The following WWOX variants were observed in gnomAD, a reference collection of about 807,000 sequenced individuals.
WWOX encodes WW domain-containing oxidoreductase.
WWOX carries 69 observed loss-of-function variants against 46.2 expected under a neutral mutation model. The ratio of observed to expected loss-of-function variants is 1.49; its 90% CI spans 1.23 to 1.82. The LOEUF (loss-of-function observed/expected upper bound fraction) is 1.82, where lower values mean the gene tolerates loss of function less well. WWOX is among the 40% of genes most tolerant of loss of function. The pLI is 0.00. For missense variants in WWOX, 919 were observed against 542.6 expected (o/e 1.69, Z -6.89); for synonymous variants, 359 against 202.6 (o/e 1.77, Z -6.56).
At chr16:78,664,900 C>T (rs1010393299) in intron 8 of WWOX, among the ~76,000 whole-genome samples, 2 of 152,318 alleles carry the variant, frequency 1.3e-5, no homozygotes, top group South Asian at 2.1e-4. Context: ...TAGGCACTTA[C>T]AATGTGACTG....
In WWOX at chr16:78,757,137, G is replaced by C. The variant is rs534360168; in HGVS notation, c.1056+324385G>C. 9.2e-5 allele frequency: 59 copies of C among 641,296 alleles called. No individual in the cohort carries two copies. In the East Asian group the frequency reaches 9.8e-4, roughly 11 times the overall value. 39.7% of individuals were successfully genotyped at this position (641,296 alleles called of 1,614,324 possible). On this transcript the variant is annotated intron_variant, in intron 8 of 8. Transcript: ENST00000566780. ...CCCCTATCTAGAACCACCGAGCTAAGCTGCTCACAAGTTTCTGCACCACAG... is the reference window on the plus strand; with the variant it reads ...CCCCTATCTAGAACCACCGAGCTAACCTGCTCACAAGTTTCTGCACCACAG...
chr16:78,774,666 C>A (rs766398690), intron 8 of WWOX, among the ~76,000 whole-genome samples: 2 of 152,072 alleles, frequency 1.3e-5, no homozygotes, highest in African/African-American at 4.8e-5. Flanking sequence ...CGGGCAGTTC[C>A]TTGAAAGACT....
intron 8 of WWOX, among the ~76,000 whole-genome samples, chr16:78,869,517 A>G (rs1445869816): frequency 6.6e-6 from 1 of 152,210 alleles, no homozygotes; most frequent in Non-Finnish European, 1.5e-5. Flanking sequence ...AGGATGTAAA[A>G]TAGGATTCAT....
intron 8 of WWOX, among the ~76,000 whole-genome samples, chr16:78,789,737 G>T (rs1378608613): frequency 6.6e-6 from 1 of 152,150 alleles, no homozygotes; most frequent in Non-Finnish European, 1.5e-5. Context: ...ATCAGCTCTT[G>T]TGAGCCACGG....
At chr16:78,253,857 CT>C (rs1156962092) in intron 5 of WWOX, among the ~76,000 whole-genome samples, 4 of 152,078 alleles carry the variant, frequency 2.6e-5, no homozygotes, top group Admixed American at 6.5e-5. Context: ...AGGTGGTAAG[CT>C]TACGTACATG....
intron 8 of WWOX, chr16:78,535,709 T>A (rs2043742614): frequency 6.6e-6 from 1 of 152,252 alleles, no homozygotes; most frequent in Admixed American, 6.5e-5. Flanking sequence ...CAATGTATGT[T>A]GTGGTCTTTG....
At chr16:78,141,174 C>A (rs1222188193) in intron 4 of WWOX, among the ~76,000 whole-genome samples, 1 of 152,222 alleles carries the variant, frequency 6.6e-6, no homozygotes, top group Admixed American at 6.5e-5. Context: ...TTAAGCATAG[C>A]TTGGTGGCTG....
intron 8 of WWOX, among the ~76,000 whole-genome samples, chr16:79,155,110 G>T (rs141276283): frequency 3.9e-4 from 59 of 152,348 alleles, no homozygotes; most frequent in African/African-American, 1.4e-3. Context: ...GGGAATGGTG[G>T]CTCACGCCTG....
At chr16:78,403,541 T>G (rs1034307499) in intron 6 of WWOX, among the ~76,000 whole-genome samples, 3 of 152,220 alleles carry the variant, frequency 2.0e-5, no homozygotes, top group African/African-American at 7.2e-5. Flanking sequence ...CTTTGTTTAT[T>G]GCCTTTATTT....
chr16:79,162,067 T>C (rs1295270566), intron 8 of WWOX, among the ~76,000 whole-genome samples: 4 of 152,198 alleles, frequency 2.6e-5, no homozygotes, highest in Admixed American at 6.5e-5. Context: ...CGGGTAGTTA[T>C]TGAATTGGTC....
At chr16:78,992,216 G>C (rs986140905) in intron 8 of WWOX, among the ~76,000 whole-genome samples, 1 of 152,158 alleles carries the variant, frequency 6.6e-6, no homozygotes, top group Non-Finnish European at 1.5e-5. Flanking sequence ...TATTCTTCTA[G>C]GCTTTGTGGA....
At chr16:78,286,914 A>C (rs1481853565) in intron 5 of WWOX, among the ~76,000 whole-genome samples, 1 of 152,218 alleles carries the variant, frequency 6.6e-6, no homozygotes, top group Admixed American at 6.5e-5. Context: ...TGCAGATTTT[A>C]AAATCAATTT....
intron 8 of WWOX, among the ~76,000 whole-genome samples, chr16:78,667,269 T>C (rs1241369860): frequency 2.0e-5 from 3 of 152,210 alleles, no homozygotes; most frequent in Non-Finnish European, 4.4e-5. Flanking sequence ...GAAGCAGAGC[T>C]GTAAGTCTCT....
intron 6 of WWOX, among the ~76,000 whole-genome samples, chr16:78,394,448 A>G (rs2082243835): frequency 3.0e-5 from 3 of 98,932 alleles, no homozygotes; most frequent in African/African-American, 8.8e-5. Context: ...TACTTAGTGT[A>G]TCTAGAAACA....
intron 8 of WWOX, among the ~76,000 whole-genome samples, chr16:78,827,692 T>A (rs1256762423): frequency 7.0e-6 from 1 of 142,614 alleles, no homozygotes; most frequent in Non-Finnish European, 1.6e-5. Context: ...AAAAAAAAAA[T>A]TAGCCAGGCA....
At chr16:79,052,596 A>C (rs936925112) in intron 8 of WWOX, among the ~76,000 whole-genome samples, 1 of 152,188 alleles carries the variant, frequency 6.6e-6, no homozygotes, top group African/African-American at 2.4e-5. Flanking sequence ...AAAAAGTTCT[A>C]AGTTGCTAGC....
intron 8 of WWOX, among the ~76,000 whole-genome samples, chr16:78,582,583 A>G (rs1234624477): frequency 6.6e-6 from 1 of 152,202 alleles, no homozygotes; most frequent in African/African-American, 2.4e-5. Flanking sequence ...TATGTTGATC[A>G]ATGACACCTT....
chr16:78,244,708 A>G (rs1334561879), intron 5 of WWOX, among the ~76,000 whole-genome samples: 1 of 152,214 alleles, frequency 6.6e-6, no homozygotes, highest in South Asian at 2.1e-4. Context: ...GCCTTCGAGC[A>G]GTAGCAACAC....
chr16:78,526,929 C>T (rs914303780), intron 8 of WWOX, among the ~76,000 whole-genome samples: 5 of 152,160 alleles, frequency 3.3e-5, no homozygotes, highest in African/African-American at 1.2e-4. Context: ...CTTTGGGAGG[C>T]CGAGGCAGGT....
Sources: allele counts gnomAD v4.1 joint callset (sites outside exome capture counted in the v4.1 genomes callset), GRCh38; gene constraint gnomAD v4.1.1; transcripts MANE v1.5; gene names NCBI Gene and HGNC (gene_info 2026-07-23, HGNC 2026-07-21).